SYN3: variants seen among roughly 807,000 people sequenced by gnomAD.
SYN3 encodes the protein synapsin-3.
SYN3 carries 35 observed loss-of-function variants against 65.8 expected under a neutral mutation model. That is an observed-to-expected ratio of 0.53 (90% confidence interval 0.41 to 0.70). The LOEUF is 0.70. Ranked by LOEUF, SYN3 falls within the 30% of genes least tolerant of loss-of-function variation. The probability of loss-of-function intolerance (pLI) is 0.00; values close to 1 mark genes in which losing one functional copy is unlikely to be tolerated. For synonymous variants in SYN3, 270 were observed against 292.9 expected, an observed-to-expected ratio of 0.92 and a Z score of 0.80; for missense variants, 680 against 749.0, an observed-to-expected ratio of 0.91 and a Z score of 1.08.
intron 3 of SYN3, among the ~76,000 whole-genome samples, chr22:32,941,102 C>A (rs1003460571): frequency 6.6e-6 from 1 of 152,104 alleles, no homozygotes; most frequent in African/African-American, 2.4e-5. Flanking sequence ...CCTCACTTAT[C>A]TTAAAGGTTA....
rs535796343 is a variant in SYN3, at chr22:32,785,810, C to G, written c.711+79105G>C. 1.7e-3 allele frequency among the ~76,000 whole-genome samples: 259 copies of G among 152,296 alleles called. 1 individual carries two copies. The highest frequency in any genetic ancestry group is 3.3e-3 in the Non-Finnish European group (224 of 68,020). On this transcript the variant is annotated intron_variant, in intron 6 of 13. Transcript: ENST00000358763. Reference sequence around the variant, plus strand: ...TGTCCACCAGGCCAACGCAAGCTCTCTCAGCTCTCAGAACAGGACTGTGTC... The same window carrying G: ...TGTCCACCAGGCCAACGCAAGCTCTGTCAGCTCTCAGAACAGGACTGTGTC...
chr22:32,909,516 T>G (rs2049991534), intron 4 of SYN3, among the ~76,000 whole-genome samples: 1 of 152,108 alleles, frequency 6.6e-6, no homozygotes, highest in Non-Finnish European at 1.5e-5. Flanking sequence ...CCAAATCTAT[T>G]AGGCATGTTT....
intron 4 of SYN3, among the ~76,000 whole-genome samples, chr22:32,924,573 G>A (rs2050419680): frequency 6.6e-6 from 1 of 152,124 alleles, no homozygotes. Context: ...GCTTCATCTG[G>A]GAGCTCAAAG....
chr22:33,028,658 G>GTGGTGGTGA (rs2053682629), intron 1 of SYN3, among the ~76,000 whole-genome samples: 1 of 106,618 alleles, frequency 9.4e-6, no homozygotes, highest in Admixed American at 9.3e-5. Flanking sequence ...GGTGGTGGTG[G>GTGGTGGTGA]TGGTGGTGGT....
At chr22:33,034,315 T>C (rs976525414) in intron 1 of SYN3, among the ~76,000 whole-genome samples, 4 of 149,120 alleles carry the variant, frequency 2.7e-5, no homozygotes, top group African/African-American at 4.9e-5. Flanking sequence ...GGCACGATCT[T>C]GACTCACTGC....
At chr22:32,557,719 C>A (rs1015405077) in intron 7 of SYN3, among the ~76,000 whole-genome samples, 1 of 152,196 alleles carries the variant, frequency 6.6e-6, no homozygotes, top group Admixed American at 6.5e-5. Context: ...CGTGTTCACC[C>A]GGTGCCTTTC....
chr22:32,668,757 G>A (rs1469689696), intron 6 of SYN3, among the ~76,000 whole-genome samples: 2 of 152,174 alleles, frequency 1.3e-5, no homozygotes, highest in Non-Finnish European at 2.9e-5. Context: ...AGAAGGAGGA[G>A]AGGTTGGCTT....
intron 6 of SYN3, among the ~76,000 whole-genome samples, chr22:32,731,268 C>T (rs149348472): frequency 6.6e-6 from 1 of 152,312 alleles, no homozygotes; most frequent in East Asian, 1.9e-4. Flanking sequence ...AGTTCTCTGG[C>T]CATTACGGCT....
At chr22:32,754,151 C>T (rs1048541074) in intron 6 of SYN3, among the ~76,000 whole-genome samples, 12 of 151,996 alleles carry the variant, frequency 7.9e-5, no homozygotes, top group Admixed American at 1.3e-4. Flanking sequence ...TCCCTCCCTC[C>T]CTTCCTTTTT....
intron 6 of SYN3, among the ~76,000 whole-genome samples, chr22:32,781,999 T>C (rs1350795442): frequency 6.6e-6 from 1 of 152,184 alleles, no homozygotes; most frequent in Non-Finnish European, 1.5e-5. Flanking sequence ...AGGTTGTTTT[T>C]TCCCCTTCAG....
chr22:32,564,126 A>G (rs67971022), intron 7 of SYN3, among the ~76,000 whole-genome samples: 37,776 of 152,166 alleles, frequency 0.25, 5,120 homozygotes, highest in Admixed American at 0.33. Flanking sequence ...TAAGACACCA[A>G]GATCAGGGAG....
At chr22:32,859,588 T>A in intron 6 of SYN3, 1 of 605,364 alleles carries the variant, frequency 1.7e-6, no homozygotes, top group Non-Finnish European at 2.8e-6. Context: ...GGTTTTGACA[T>A]CATTCATTTC....
intron 1 of SYN3, among the ~76,000 whole-genome samples, chr22:33,023,454 G>A (rs2053591233): frequency 6.6e-6 from 1 of 152,304 alleles, no homozygotes; most frequent in South Asian, 2.1e-4. Flanking sequence ...CAGCCATGTG[G>A]AACTGGAAGT....
intron 4 of SYN3, among the ~76,000 whole-genome samples, chr22:32,869,693 T>C (rs1214374786): frequency 1.6e-5 from 2 of 125,934 alleles, no homozygotes; most frequent in African/African-American, 6.7e-5. Context: ...CATCTTGGTT[T>C]TTTTTTTTTT....
intron 12 of SYN3, among the ~76,000 whole-genome samples, chr22:32,523,119 AATT>A (rs2057915052): frequency 1.3e-5 from 2 of 152,302 alleles, no homozygotes; most frequent in Admixed American, 6.5e-5. Context: ...CAAACTTTTA[AATT>A]ATTATTATAT....
chr22:32,594,187 G>A (rs1349857582), intron 7 of SYN3, among the ~76,000 whole-genome samples: 2 of 152,018 alleles, frequency 1.3e-5, no homozygotes, highest in African/African-American at 2.4e-5. Flanking sequence ...AGAGGGGTTC[G>A]TTCATTCATC....
chr22:32,544,446 T>G (rs535792726), intron 7 of SYN3, among the ~76,000 whole-genome samples: 1 of 152,326 alleles, frequency 6.6e-6, no homozygotes, highest in Admixed American at 6.5e-5. Flanking sequence ...CAACCCACTT[T>G]CTTTAGGTTT....
rs1051750491 is a variant in SYN3, at chr22:33,017,749, G to A, written c.-162-10925C>T. 1.2e-4 allele frequency among the ~76,000 whole-genome samples: 16 copies of A among 130,474 alleles called. 1 individual carries two copies. The highest frequency in any genetic ancestry group is 5.0e-4 in the East Asian group (2 of 4,008). 85.6% of individuals were successfully genotyped at this position (130,474 alleles called of 152,430 possible). On this transcript the variant is annotated intron_variant, in intron 1 of 13. Transcript: ENST00000358763. ...TGCAACTTCACTGAATTTGTTTATC[G>A]GTTCTAACAGGTTTTTTTTTTTTTG...
intron 2 of SYN3, among the ~76,000 whole-genome samples, chr22:32,996,981 G>A (rs546214921): frequency 1.3e-5 from 2 of 152,316 alleles, no homozygotes; most frequent in South Asian, 4.1e-4. Flanking sequence ...CGCTGGGTGT[G>A]TGCCGGGGTG....
Sources: allele counts gnomAD v4.1 joint callset (sites outside exome capture counted in the v4.1 genomes callset), GRCh38; gene constraint gnomAD v4.1.1; transcripts MANE v1.5; gene names NCBI Gene and HGNC (gene_info 2026-07-23, HGNC 2026-07-21).